HSD17B14: variants seen among roughly 807,000 people sequenced by gnomAD.
HSD17B14 encodes the protein L-fucose dehydrogenase.
HSD17B14 carries 32 observed loss-of-function variants against 32.2 expected under a neutral mutation model. The observed-to-expected ratio is 0.99, with a 90% CI of 0.75 to 1.33. The LOEUF (loss-of-function observed/expected upper bound fraction) is 1.33. Ranked by LOEUF, HSD17B14 falls within the 40% of genes most tolerant of loss-of-function variation. The pLI is 0.00. For missense variants in HSD17B14, 370 were observed against 366.5 expected (o/e 1.01, Z -0.08); for synonymous variants, 140 against 155.4 (o/e 0.90, Z 0.74).
intron 3 of HSD17B14, among the ~76,000 whole-genome samples, chr19:48,834,044 CAT>C (rs2035399695): frequency 6.6e-6 from 1 of 152,130 alleles, no homozygotes; most frequent in African/African-American, 2.4e-5. Flanking sequence ...TTTCCATCCA[CAT>C]GTTAAATGTG....
At position 48,835,752 on chromosome 19, in the gene HSD17B14, T is replaced by C. The variant is rs1201841373; in HGVS notation, c.127+53A>G. 34 of 1,586,984 alleles carry C rather than the reference T, an allele frequency of 2.1e-5. No homozygotes were observed. The Admixed American group carries it at 5.2e-4, about 24-fold the overall frequency. On this transcript the variant is annotated intron_variant, in intron 2 of 8. Transcript: ENST00000263278. Reference sequence around the variant, plus strand: ...GGAGGAGGTGCTAGGGGTCTGGACCTCTGGGTCTGAGGGAGGAAGGGCCAA... The same window carrying C: ...GGAGGAGGTGCTAGGGGTCTGGACCCCTGGGTCTGAGGGAGGAAGGGCCAA...
At position 48,836,439 on chromosome 19, in the gene HSD17B14, C is replaced by G. The variant is rs765538536; in HGVS notation, c.-28G>C. 3 of 1,592,780 alleles carry G rather than the reference C, an allele frequency of 1.9e-6. No homozygotes were observed. In the South Asian group the frequency reaches 3.3e-5, roughly 18 times the overall value. On this transcript the variant is annotated 5_prime_UTR_variant, in exon 1 of 9. Coordinates refer to ENST00000263278, the MANE Select transcript of HSD17B14 (RefSeq NM_016246.3). ...CGTGTACGTCGGTCTCTCTCTCTCT[C>G]TACTCTGGGCCTCTTTCACCTCCAA...
chr19:48,817,625 C>T (rs1013176910), intron 5 of HSD17B14, among the ~76,000 whole-genome samples: 8 of 152,190 alleles, frequency 5.3e-5, no homozygotes, highest in African/African-American at 1.7e-4. Context: ...GTCTCTCCCA[C>T]CAGCATGCAG....
In HSD17B14 at chr19:48,832,665, C is replaced by G; in HGVS notation, c.277+1G>C. ...AATGGCCCTGGGGTCTCACAACTCA[C>G]GGTGGCCAGCGTTGTTGACAACACA... On this transcript the variant is annotated splice_donor_variant, in intron 4 of 8. Transcript: ENST00000263278. LOFTEE classifies it high-confidence loss of function. The G allele has an allele frequency of 6.2e-7, 1 of 1,612,502 alleles. No individual in the cohort carries two copies. The highest frequency in any genetic ancestry group is 8.5e-7 in the Non-Finnish European group (1 of 1,179,438).
At chr19:48,823,000 G>A in intron 5 of HSD17B14, among the ~76,000 whole-genome samples, 1 of 152,116 alleles carries the variant, frequency 6.6e-6, no homozygotes, top group East Asian at 1.9e-4. Context: ...TGCAACAAGT[G>A]CATGAACAAG....
chr19:48,815,128 T>G lies in HSD17B14; in HGVS notation c.383A>C (p.Tyr128Ser), dbSNP rs1408776850. Residue 128 changes from tyrosine (Y) to serine (S), a missense_variant, in exon 6 of 9, where the codon TAC becomes TCC. Tyr to Ser is a moderately radical substitution (Grantham distance 144). Transcript: ENST00000263278. Reference protein sequence around the residue: ...TYTLTKLALPYLRKSQGNVIN... With the variant: ...TYTLTKLALPSLRKSQGNVIN... The stretch of plus-strand genomic sequence containing the variant: ...GACATTCCCTTGACTCTTCCGCAGG[T>G]AGGGGAGGGCGAGCTAGGGAGACAA... 6.2e-7 allele frequency: 1 copy of G among 1,613,654 alleles called. No individual in the cohort carries two copies. The highest frequency in any genetic ancestry group is 1.7e-5 in the Admixed American group (1 of 59,990).
At chr19:48,834,497 G>C (rs2035429514) in intron 2 of HSD17B14, 139 bp from the exon 3 acceptor site, 2 of 460,462 alleles carry the variant, frequency 4.3e-6, no homozygotes, top group East Asian at 4.3e-5. Flanking sequence ...CTGAGGTCTG[G>C]ACTCCTGGGT....
At chr19:48,832,787 CTT>C (rs983493012) in intron 3 of HSD17B14, 55 bp from the exon 4 acceptor site, 1 of 1,434,106 alleles carries the variant, frequency 7.0e-7, no homozygotes, top group African/African-American at 1.4e-5. Flanking sequence ...GTGTCTCCCT[CTT>C]GTCACTCAGG....
intron 5 of HSD17B14, among the ~76,000 whole-genome samples, chr19:48,826,747 G>A (rs929071141): frequency 2.6e-5 from 4 of 151,454 alleles, no homozygotes; most frequent in African/African-American, 4.8e-5. Context: ...TCTTGGATGC[G>A]ACCTCAGAGT....
intron 5 of HSD17B14, among the ~76,000 whole-genome samples, chr19:48,829,457 T>C (rs1426750773): frequency 2.0e-5 from 3 of 151,588 alleles, no homozygotes; most frequent in Non-Finnish European, 4.4e-5. Context: ...GTTCAAGCAA[T>C]TCTACCGCCT....
At chr19:48,814,716 C>T (rs570122681) in intron 6 of HSD17B14, among the ~76,000 whole-genome samples, 28 of 151,458 alleles carry the variant, frequency 1.8e-4, no homozygotes, top group South Asian at 2.1e-4. Context: ...CGGTGGCATG[C>T]GCCTGTAGTC....
At chr19:48,815,288 T>C (rs2035033150) in intron 5 of HSD17B14, 147 bp from the exon 6 acceptor site, 3 of 656,324 alleles carry the variant, frequency 4.6e-6, no homozygotes, top group Non-Finnish European at 8.3e-6. Context: ...AGAGACGGCA[T>C]CTAACATAAC....
At chr19:48,816,275 GC>G (rs1163965006) in intron 5 of HSD17B14, among the ~76,000 whole-genome samples, 1 of 152,126 alleles carries the variant, frequency 6.6e-6, no homozygotes, top group Non-Finnish European at 1.5e-5. Flanking sequence ...CCCCTAGCAG[GC>G]TCTCCGAGTG....
At position 48,813,296 on chromosome 19, in the gene HSD17B14, A is replaced by C. The variant is rs764195371; in HGVS notation, c.692T>G (p.Leu231Arg). 61 of 1,601,628 alleles carry C rather than the reference A, an allele frequency of 3.8e-5. No individual in the cohort carries two copies. In the East Asian group the frequency reaches 1.4e-3, roughly 36 times the overall value. Reference sequence around the variant, plus strand: ...CGTGCAGAAGTTGGCTTCGGAGGCCAGGAACACTGCCGCAGCCCCGACCTC... The same window carrying C: ...CGTGCAGAAGTTGGCTTCGGAGGCCCGGAACACTGCCGCAGCCCCGACCTC... ...PAEVGAAAVF[L>R]ASEANFCTGI... The change falls in exon 9 of 9, where the codon CTG (leucine) becomes CGG (arginine). Residue 231 changes from leucine to arginine, a missense_variant. By Grantham distance (102) the Leu-to-Arg change is moderately radical. Coordinates refer to ENST00000263278, the MANE Select transcript of HSD17B14 (RefSeq NM_016246.3).
intron 3 of HSD17B14, among the ~76,000 whole-genome samples, chr19:48,833,296 A>G (rs2035379210): frequency 6.6e-6 from 1 of 151,712 alleles, no homozygotes; most frequent in Non-Finnish European, 1.5e-5. Flanking sequence ...GGTGACAAGG[A>G]TTCAGAGAGC....
chr19:48,825,014 G>T lies in HSD17B14; in HGVS notation c.369+6654C>A, dbSNP rs200448097. ...GCACTTTGGGAGGCCGAGGCAGGCG[G>T]ATCACTTGAGGTCAGGAGTTCCAGA... is the stretch of plus-strand genomic sequence containing the variant. On this transcript the variant is annotated intron_variant, in intron 5 of 8. Transcript: ENST00000263278. Among the ~76,000 whole-genome samples the T allele has an allele frequency of 1.3e-4, 20 of 152,120 alleles. No individual in the cohort carries two copies. The East Asian group carries it at 3.3e-3, about 25-fold the overall frequency.
chr19:48,825,851 T>G (rs192257026), intron 5 of HSD17B14, among the ~76,000 whole-genome samples: 2 of 151,984 alleles, frequency 1.3e-5, no homozygotes, highest in African/African-American at 4.8e-5. Flanking sequence ...GATGGAGTCT[T>G]GCTCTGTCAC....
intron 3 of HSD17B14, among the ~76,000 whole-genome samples, chr19:48,833,560 C>A (rs898631364): frequency 6.6e-6 from 1 of 151,820 alleles, no homozygotes; most frequent in Admixed American, 6.6e-5. Context: ...GACACGGTGG[C>A]TCATGCTTGT....
At chr19:48,835,340 G>A (rs1390975593) in intron 2 of HSD17B14, among the ~76,000 whole-genome samples, 1 of 84,008 alleles carries the variant, frequency 1.2e-5, no homozygotes, top group African/African-American at 5.2e-5. Flanking sequence ...GGGGCTGGGA[G>A]CCTGGACTCC....
Sources: allele counts gnomAD v4.1 joint callset (sites outside exome capture counted in the v4.1 genomes callset), GRCh38; gene constraint gnomAD v4.1.1; transcripts MANE v1.5; gene names NCBI Gene and HGNC (gene_info 2026-07-23, HGNC 2026-07-21).